The following ARID4B variants were observed in gnomAD, a reference collection of about 807,000 sequenced individuals.
ARID4B encodes the protein AT-rich interaction domain 4B.
Under a neutral mutation model 147.5 loss-of-function variants are expected in ARID4B, and 26 were observed. The ratio of observed to expected loss-of-function variants is 0.18; its 90% CI spans 0.13 to 0.24. The LOEUF (loss-of-function observed/expected upper bound fraction) is 0.24. Among genes scored for constraint, ARID4B ranks in the 10% least tolerant of loss-of-function variants. The pLI, the probability that ARID4B is intolerant of heterozygous loss-of-function variation, is 1.00. For synonymous variants in ARID4B, 512 were observed against 507.9 expected (o/e 1.01, Z -0.11); for missense variants, 1,179 against 1,511.5 (o/e 0.78, Z 3.65).
rs1344362190 is a variant in ARID4B at position 235,215,540 on chromosome 1, C to CAT, written c.1584-1516_1584-1515dup. Among the ~76,000 whole-genome samples, 32 of 118,630 alleles carry CAT rather than the reference C, an allele frequency of 2.7e-4. No individual in the cohort carries two copies. In the East Asian group the frequency reaches 3.4e-3, roughly 12 times the overall value. 77.8% of individuals were successfully genotyped at this position (118,630 alleles called of 152,430 possible). A position where few individuals can be genotyped will look rare whatever the true frequency, so the allele number is the denominator to read the frequency against. On this transcript the variant is annotated intron_variant, in intron 16 of 23. Transcript: ENST00000264183. The stretch of plus-strand genomic sequence containing the variant: ...ATATACATATATTACACCATGCACA[C>CAT]ATATATATGTGTGTGTGTGTGTGTG...
At chr1:235,246,822 G>C (rs1669329348) in intron 6 of ARID4B, among the ~76,000 whole-genome samples, 1 of 152,136 alleles carries the variant, frequency 6.6e-6, no homozygotes, top group Admixed American at 6.5e-5. Flanking sequence ...CAGCTCAGTG[G>C]AAAGACAAAT....
rs949724581 is a variant in ARID4B at position 235,172,626 on chromosome 1, T to G, written c.3803A>C (p.Glu1268Ala). ...DRRRKRLKKK[E>A]RESAATSSSS... ...AAAGTAAAAATACTTACTTTCTCTCTCTTTCTTCTTTAAACGCTTTCTCCT... is the reference window on the plus strand; with the variant it reads ...AAAGTAAAAATACTTACTTTCTCTCGCTTTCTTCTTTAAACGCTTTCTCCT... The change falls in exon 23 of 24, where the codon GAG (glutamate) becomes GCG (alanine). Residue 1268 changes from glutamate to alanine, a missense_variant. Transcript: ENST00000264183. 1.3e-6 allele frequency: 2 copies of G among 1,558,080 alleles called. No homozygotes were observed. Among genetic ancestry groups the G allele is most frequent in the Non-Finnish European group, 8.6e-7 (1 of 1,156,636 alleles).
In ARID4B at chr1:235,276,213, T is replaced by G. The variant is rs532425154; in HGVS notation, c.7-15461A>C. Among the ~76,000 whole-genome samples the G allele has an allele frequency of 1.8e-3, 277 of 152,030 alleles. 2 individuals are homozygous for G. The Middle Eastern group carries it at 0.027, about 15-fold the overall frequency. On this transcript the variant is annotated intron_variant, in intron 2 of 23. Coordinates refer to ENST00000264183, the MANE Select transcript of ARID4B (RefSeq NM_016374.6). The stretch of plus-strand genomic sequence containing the variant: ...AGCAAAAAAAAAAAAAAAAAGATTT[T>G]TTTTTTGAAAAGCTATTTGAGGTCA...
chr1:235,307,715 T>C (rs1375333781), intron 2 of ARID4B, among the ~76,000 whole-genome samples: 1 of 152,216 alleles, frequency 6.6e-6, no homozygotes, highest in Non-Finnish European at 1.5e-5. Flanking sequence ...TGGGCCACAG[T>C]GTTTCAACGC....
chr1:235,207,505 T>A (rs1030172529), intron 17 of ARID4B, among the ~76,000 whole-genome samples: 3 of 152,122 alleles, frequency 2.0e-5, no homozygotes, highest in African/African-American at 7.2e-5. Flanking sequence ...AAAGAAGTGA[T>A]TATAATAATA....
chr1:235,288,365 T>C (rs1672119925), intron 2 of ARID4B, among the ~76,000 whole-genome samples: 1 of 152,204 alleles, frequency 6.6e-6, no homozygotes, highest in African/African-American at 2.4e-5. Context: ...ATAATCACTA[T>C]TCTCATTTTG....
At chr1:235,212,082 T>C in intron 17 of ARID4B, among the ~76,000 whole-genome samples, 1 of 151,866 alleles carries the variant, frequency 6.6e-6, no homozygotes, top group East Asian at 1.9e-4. Context: ...CCATCTCTAC[T>C]AAAAATACGA....
chr1:235,322,254 A>G (rs543187483), intron 2 of ARID4B, among the ~76,000 whole-genome samples: 11 of 151,566 alleles, frequency 7.3e-5, no homozygotes, highest in African/African-American at 2.7e-4. Flanking sequence ...TATAGAACTC[A>G]GGTGATCCAC....
intron 11 of ARID4B, 48 bp downstream of exon 11, chr1:235,229,183 C>A: frequency 6.3e-7 from 1 of 1,580,646 alleles, no homozygotes; most frequent in Non-Finnish European, 8.6e-7. Flanking sequence ...ACAAGGGAAA[C>A]CCAACTGTTA....
At chr1:235,204,219 G>C (rs1666153713) in intron 17 of ARID4B, among the ~76,000 whole-genome samples, 1 of 152,198 alleles carries the variant, frequency 6.6e-6, no homozygotes, top group Admixed American at 6.5e-5. Context: ...CTACTCGGGA[G>C]GCTGAGGCAG....
chr1:235,215,523 A>G (rs552891874), intron 16 of ARID4B, among the ~76,000 whole-genome samples: 4 of 150,746 alleles, frequency 2.7e-5, no homozygotes, highest in African/African-American at 4.9e-5. Context: ...ATATATACAT[A>G]TATTACACCA....
intron 17 of ARID4B, among the ~76,000 whole-genome samples, chr1:235,206,854 TCAAACAGTTCTGCTGAATGAAAATGGA>T (rs2102992003): frequency 6.6e-6 from 1 of 152,326 alleles, no homozygotes; most frequent in African/African-American, 2.4e-5. Flanking sequence ...TAGGTAACTT[TCAAACAGTTCTGCTGAATGAAAATGGA>T]GCGAAGAAAT....
At chr1:235,321,011 G>A (rs1674775829) in intron 2 of ARID4B, among the ~76,000 whole-genome samples, 1 of 152,084 alleles carries the variant, frequency 6.6e-6, no homozygotes, top group East Asian at 1.9e-4. Flanking sequence ...GTCCACCATA[G>A]TAGAAAGTAA....
intron 2 of ARID4B, among the ~76,000 whole-genome samples, chr1:235,303,474 A>G (rs1377857637): frequency 6.6e-6 from 1 of 152,160 alleles, no homozygotes; most frequent in African/African-American, 2.4e-5. Context: ...CCTGTAATCC[A>G]GCACTTTGAG....
chr1:235,309,052 T>A (rs1189842025), intron 2 of ARID4B, among the ~76,000 whole-genome samples: 6 of 120,530 alleles, frequency 5.0e-5, no homozygotes, highest in African/African-American at 2.1e-4. Context: ...CCGGCCGCCA[T>A]CCCATCTAGG....
chr1:235,182,660 T>C lies in ARID4B; in HGVS notation c.2259A>G (p.Glu753=). ...CTTCTAGCAAAGATGAACTGTTCTG[T>C]TCCTCCTTTGAAATAAGATCATTTC... ...NNRNDLISKE[E]QNSSSLLEEN... Residue 753 remains glutamate, a synonymous_variant, in exon 20 of 24, where the codon GAA becomes GAG. Coordinates refer to ENST00000264183, the MANE Select transcript of ARID4B (RefSeq NM_016374.6). The C allele has an allele frequency of 1.9e-6, 3 of 1,613,914 alleles. No homozygotes were observed. Among genetic ancestry groups the C allele is most frequent in the South Asian group, 1.1e-5 (1 of 91,082 alleles).
At chr1:235,282,301 T>C (rs1217378421) in intron 2 of ARID4B, among the ~76,000 whole-genome samples, 2 of 152,300 alleles carry the variant, frequency 1.3e-5, no homozygotes, top group South Asian at 4.1e-4. Flanking sequence ...GAGAAATGCA[T>C]TGATTTTATT....
At chr1:235,259,740 G>A (rs973470567) in intron 3 of ARID4B, among the ~76,000 whole-genome samples, 2 of 152,128 alleles carry the variant, frequency 1.3e-5, no homozygotes, top group African/African-American at 4.8e-5. Flanking sequence ...AATCACCCAG[G>A]TAGCTTTTTC....
At chr1:235,304,134 A>G (rs915179291) in intron 2 of ARID4B, among the ~76,000 whole-genome samples, 3 of 152,184 alleles carry the variant, frequency 2.0e-5, no homozygotes, top group Non-Finnish European at 2.9e-5. Flanking sequence ...CGGTGGACAG[A>G]TATCTTGAGT....
Sources: allele counts gnomAD v4.1 joint callset (sites outside exome capture counted in the v4.1 genomes callset), GRCh38; gene constraint gnomAD v4.1.1; transcripts MANE v1.5; gene names NCBI Gene and HGNC (gene_info 2026-07-23, HGNC 2026-07-21).